Variants in USF3 observed in about 807,000 individuals in gnomAD.
USF3 encodes the protein upstream transcription factor family member 3.
USF3 carries 29 observed loss-of-function variants against 157.5 expected under a neutral mutation model. The ratio of observed to expected loss-of-function variants is 0.18; its 90% CI spans 0.14 to 0.25. The LOEUF (loss-of-function observed/expected upper bound fraction) is 0.25, where lower values mean the gene tolerates loss of function less well. Among genes scored for constraint, USF3 ranks in the 10% least tolerant of loss-of-function variants. The probability of loss-of-function intolerance (pLI) is 1.00; values close to 1 mark genes in which losing one functional copy is unlikely to be tolerated. For synonymous variants in USF3, 893 were observed against 941.4 expected, an observed-to-expected ratio of 0.95 and a Z score of 0.94; for missense variants, 2,381 against 2,667.6, an observed-to-expected ratio of 0.89 and a Z score of 2.37.
At position 113,657,540 on chromosome 3, in the gene USF3, T is replaced by C. The variant is rs1319414689; in HGVS notation, c.4142A>G (p.Asn1381Ser). The C allele has an allele frequency of 2.5e-6, 4 of 1,613,958 alleles. No homozygotes were observed. The highest frequency in any genetic ancestry group is 2.5e-6 in the Non-Finnish European group (3 of 1,180,006). Residue 1381 changes from asparagine to serine, a missense_variant, in exon 7 of 7, where the codon AAT (asparagine) becomes AGT (serine). Transcript: ENST00000316407. Reference sequence around the variant, plus strand: ...AACAGGCACAACTGAGTTTGAAGAATTAGGAGGGATCTGACTGACCATCAT... The same window carrying C: ...AACAGGCACAACTGAGTTTGAAGAACTAGGAGGGATCTGACTGACCATCAT... ...TQMMVSQIPP[N>S]SSNSVVPVSN...
chr3:113,661,477 C>T, intron 6 of USF3, 52 bp from the exon 7 acceptor site: 1 of 1,093,354 alleles, frequency 9.1e-7, no homozygotes, highest in African/African-American at 1.6e-5. Context: ...TCAGTATTTA[C>T]AATAACTTGA....
intron 4 of USF3, among the ~76,000 whole-genome samples, chr3:113,672,062 C>G (rs1436231973): frequency 6.6e-6 from 1 of 151,894 alleles, no homozygotes; most frequent in Non-Finnish European, 1.5e-5. Context: ...TGAGCCATCA[C>G]GCCTGGCCTA....
At chr3:113,682,613 A>G (rs1269104532) in intron 1 of USF3, among the ~76,000 whole-genome samples, 4 of 152,130 alleles carry the variant, frequency 2.6e-5, no homozygotes, top group African/African-American at 4.8e-5. Context: ...TGATATAGTA[A>G]TATTTGCTTT....
At chr3:113,670,085 A>C (rs1274478935) in intron 5 of USF3, 36 bp downstream of exon 5, 3 of 1,359,794 alleles carry the variant, frequency 2.2e-6, no homozygotes, top group Non-Finnish European at 3.2e-6. Flanking sequence ...TTGTCTGTTC[A>C]TAAGTAATGA....
intron 1 of USF3, among the ~76,000 whole-genome samples, chr3:113,693,964 C>T (rs1407226085): frequency 1.3e-5 from 2 of 152,202 alleles, no homozygotes; most frequent in South Asian, 2.1e-4. Context: ...AGCTTTTGGA[C>T]GTAGTCTCAT....
intron 1 of USF3, among the ~76,000 whole-genome samples, chr3:113,691,121 G>A (rs1577056108): frequency 1.3e-5 from 2 of 152,166 alleles, no homozygotes; most frequent in East Asian, 3.8e-4. Flanking sequence ...CCCAGGAGGC[G>A]AAGGTTCCAG....
At position 113,653,094 on chromosome 3, in the gene USF3, T is replaced by G; in HGVS notation, c.*1850A>C. The G allele has an allele frequency of 4.5e-6, 1 of 223,482 alleles. No homozygotes were observed. Among genetic ancestry groups the G allele is most frequent in the Non-Finnish European group, 8.7e-6 (1 of 115,548 alleles). The allele number at this position is 223,482 out of a possible 1,614,324, so 13.8% of individuals were successfully genotyped here. A position where few individuals can be genotyped will look rare whatever the true frequency, so the allele number is the denominator to read the frequency against. ...GAAGAAAGAAAAGAAAAGCTGGTCC[T>G]TGAGTTCACTTTGTTAACAAGGCAG... On this transcript the variant is annotated 3_prime_UTR_variant, in exon 7 of 7. Coordinates refer to ENST00000316407, the MANE Select transcript of USF3 (RefSeq NM_001009899.4).
intron 1 of USF3, among the ~76,000 whole-genome samples, chr3:113,696,095 G>C (rs571762932): frequency 6.6e-6 from 1 of 152,340 alleles, no homozygotes; most frequent in East Asian, 1.9e-4. Flanking sequence ...GCATCTAGGA[G>C]CTGGGGCGCA....
Position 113,674,909 on chromosome 3 carries a change from A to G in USF3, c.-18-13T>C. 1.5e-5 allele frequency: 23 copies of G among 1,531,560 alleles called. No individual in the cohort carries two copies. The highest frequency in any genetic ancestry group is 2.0e-5 in the Non-Finnish European group (22 of 1,104,832). The allele number at this position is 1,531,560 out of a possible 1,614,324, so 94.9% of individuals were successfully genotyped here. A position where few individuals can be genotyped will look rare whatever the true frequency, so the allele number is the denominator to read the frequency against. The stretch of plus-strand genomic sequence containing the variant: ...CAGTAATAGGAACCTACAGAAGGAT[A>G]GAAAGACACACCAGAAAGCTTAGTC... On this transcript the variant is annotated splice_polypyrimidine_tract_variant and intron_variant, in intron 2 of 6. Coordinates refer to ENST00000316407, the MANE Select transcript of USF3 (RefSeq NM_001009899.4).
At chr3:113,696,338 G>A (rs1210231742) in intron 1 of USF3, 32 bp downstream of exon 1, 1 of 141,738 alleles carries the variant, frequency 7.1e-6, no homozygotes, top group Non-Finnish European at 1.6e-5. Context: ...CCCCGCCCCG[G>A]CTGTCAGCGG....
chr3:113,663,505 G>A (rs939263927), intron 6 of USF3, among the ~76,000 whole-genome samples: 1 of 152,200 alleles, frequency 6.6e-6, no homozygotes, highest in African/African-American at 2.4e-5. Flanking sequence ...GGAGAATTCT[G>A]AATGCTGACC....
chr3:113,686,859 G>T lies in USF3; in HGVS notation c.-134-9462C>A, dbSNP rs141095283. Among the ~76,000 whole-genome samples the T allele has an allele frequency of 8.9e-3, 1,361 of 152,154 alleles. 14 individuals are homozygous for T. Among genetic ancestry groups the T allele is most frequent in the African/African-American group, 0.031 (1,302 of 41,500 alleles). ...GATCATACCGAAGAAGTTGTGAAAA[G>T]AAGTACTCTTTTCCTCAAATTTCCT... On this transcript the variant is annotated intron_variant, in intron 1 of 6. Transcript: ENST00000316407.
rs1396558756 is a variant in USF3, at chr3:113,651,861, A to G, written c.*3083T>C. The G allele has an allele frequency of 6.6e-6, 1 of 152,312 alleles. No homozygotes were observed. Among genetic ancestry groups the G allele is most frequent in the East Asian group, 1.9e-4 (1 of 5,188 alleles). The allele number at this position is 152,312 out of a possible 1,614,324, so 9.4% of individuals were successfully genotyped here. A position where few individuals can be genotyped will look rare whatever the true frequency, so the allele number is the denominator to read the frequency against. On this transcript the variant is annotated 3_prime_UTR_variant, in exon 7 of 7. Coordinates refer to ENST00000316407, the MANE Select transcript of USF3 (RefSeq NM_001009899.4). ...AATAAGGCTTATTGAGACTCTTTCA[A>G]GATCAAAATGTTAGACTGTTGGAAT... is the stretch of plus-strand genomic sequence containing the variant.
chr3:113,660,063 C>T lies in USF3; in HGVS notation c.1619G>A (p.Gly540Glu). The change falls in exon 7 of 7, where the codon GGG becomes GAG. Residue 540 changes from glycine to glutamate, a missense_variant. Gly to Glu is a moderately conservative substitution (Grantham distance 98, BLOSUM62 -2). Transcript: ENST00000316407. ...MQVIQMAQPV[G>E]SAVNSAPTNQ... ...AGTTGGAGCTGAATTAACAGCTGAC[C>T]CAACTGGCTGAGCCATCTGAATCAC... 6.2e-7 allele frequency: 1 copy of T among 1,614,098 alleles called. No homozygotes were observed. Among genetic ancestry groups the T allele is most frequent in the Non-Finnish European group, 8.5e-7 (1 of 1,180,008 alleles).
Position 113,651,294 on chromosome 3 carries a change from G to A in USF3, c.*3650C>T, listed in dbSNP as rs1286371732. Reference sequence around the variant, plus strand: ...TTTAAATCAATTCTGAACTAATTTTGTTTCAAGAAATTCTTGTTGCTCTTT... The same window carrying A: ...TTTAAATCAATTCTGAACTAATTTTATTTCAAGAAATTCTTGTTGCTCTTT... On this transcript the variant is annotated 3_prime_UTR_variant, in exon 7 of 7. Transcript: ENST00000316407. 3 of 152,118 alleles carry A rather than the reference G, an allele frequency of 2.0e-5. No individual in the cohort carries two copies. The highest frequency in any genetic ancestry group is 4.4e-5 in the Non-Finnish European group (3 of 68,016). The allele number at this position is 152,118 out of a possible 1,614,324, so 9.4% of individuals were successfully genotyped here.
At chr3:113,675,204 G>A (rs1459627760) in intron 2 of USF3, among the ~76,000 whole-genome samples, 1 of 152,176 alleles carries the variant, frequency 6.6e-6, no homozygotes, top group East Asian at 1.9e-4. Flanking sequence ...ATGTGAATTT[G>A]AGCAAGAGCT....
In USF3 at chr3:113,659,200, T is replaced by C. The variant is rs765519302; in HGVS notation, c.2482A>G (p.Thr828Ala). 1.2e-6 allele frequency: 2 copies of C among 1,614,134 alleles called. No individual in the cohort carries two copies. Among genetic ancestry groups the C allele is most frequent in the East Asian group, 4.5e-5 (2 of 44,890 alleles). Residue 828 changes from threonine (T) to alanine (A), a missense_variant, in exon 7 of 7, where the codon ACT (threonine) becomes GCT (alanine). This residue lies in a region of USF3 where 1,435 missense variants were observed against 1,550.9 expected (regional missense o/e 0.93). Coordinates refer to ENST00000316407, the MANE Select transcript of USF3 (RefSeq NM_001009899.4). ...RDVSKLDCPN[T>A]EGSAEPPCND... is the part of the protein sequence containing the mutation. ...CAGGGTGGCTCTGCTGAGCCTTCAG[T>C]GTTGGGGCAGTCTAACTTGCTCACA...
At chr3:113,681,199 G>C (rs1402595917) in intron 1 of USF3, among the ~76,000 whole-genome samples, 1 of 151,060 alleles carries the variant, frequency 6.6e-6, no homozygotes, top group African/African-American at 2.4e-5. Flanking sequence ...GGCTGGTCTT[G>C]AACTCCTGAC....
chr3:113,685,711 T>C (rs903516887), intron 1 of USF3, among the ~76,000 whole-genome samples: 1 of 152,188 alleles, frequency 6.6e-6, no homozygotes, highest in Non-Finnish European at 1.5e-5. Flanking sequence ...GCCTGGCTAC[T>C]GCTGATGTTT....
Sources: allele counts gnomAD v4.1 joint callset (sites outside exome capture counted in the v4.1 genomes callset), GRCh38; gene constraint gnomAD v4.1.1; regional missense constraint gnomAD v4.1.1; transcripts MANE v1.5; gene names NCBI Gene and HGNC (gene_info 2026-07-23, HGNC 2026-07-21).